Variants in KIF7 observed in about 807,000 individuals in gnomAD.
KIF7 encodes kinesin-like protein KIF7.
In KIF7, 104 loss-of-function variants were observed where a neutral mutation model predicts 135.7. The ratio of observed to expected loss-of-function variants is 0.77; its 90% CI spans 0.65 to 0.90. KIF7 has a LOEUF of 0.90. Among genes scored for constraint, KIF7 ranks in the 40% least tolerant of loss-of-function variants. The pLI, the probability that KIF7 is intolerant of heterozygous loss-of-function variation, is 0.00. For synonymous variants in KIF7, 883 were observed against 809.4 expected (o/e 1.09, Z -1.54); for missense variants, 2,005 against 1,839.1 (o/e 1.09, Z -1.65).
At chr15:89,662,921 T>TA in the KIF7 span, among the ~76,000 whole-genome samples, 1 of 152,348 alleles carries the variant, frequency 6.6e-6, no homozygotes, top group East Asian at 1.9e-4. Flanking sequence ...ACTTATAACT[T>TA]ACACTGTTTG....
downstream of KIF7, chr15:89,627,018 A>C (rs769642321): frequency 6.2e-7 from 1 of 1,613,988 alleles, no homozygotes; most frequent in Non-Finnish European, 8.5e-7. Context: ...CGCTTTCTCC[A>C]GGAGGCGCCC....
At position 89,633,731 on chromosome 15, in the gene KIF7, C is replaced by T; in HGVS notation, c.2547G>A (p.Lys849=). The stretch of plus-strand genomic sequence containing the variant: ...TGCTCATTTCTGCCTCCAGGCGCCG[C>T]TTCTGCTCCGTCTCCTCGCGAAGCC... ...QRRLREETEQ[K]RRLEAEMSKR... The change falls in exon 12 of 19, where the codon AAG becomes AAA. Residue 849 remains lysine (K), a synonymous_variant. Coordinates refer to ENST00000394412, the MANE Select transcript of KIF7 (RefSeq NM_198525.3). The T allele has an allele frequency of 6.2e-6, 10 of 1,609,096 alleles. No homozygotes were observed. The highest frequency in any genetic ancestry group is 8.5e-6 in the Non-Finnish European group (10 of 1,179,902).
chr15:89,661,986 G>A, the KIF7 span, among the ~76,000 whole-genome samples: 226 of 152,214 alleles, frequency 1.5e-3, 2 homozygotes, highest in African/African-American at 5.3e-3. Flanking sequence ...GCCAGCCTTG[G>A]CCTCCCAAAG....
intron 15 of KIF7, among the ~76,000 whole-genome samples, 198 bp downstream of exon 15, chr15:89,631,297 T>C (rs768078651): frequency 2.0e-5 from 3 of 152,174 alleles, no homozygotes; most frequent in African/African-American, 4.8e-5. Flanking sequence ...GGCCCCTGTG[T>C]CCCAGCCAAT....
At chr15:89,651,126 A>G (rs1043922169) in intron 2 of KIF7, among the ~76,000 whole-genome samples, 1 of 151,678 alleles carries the variant, frequency 6.6e-6, no homozygotes, top group African/African-American at 2.4e-5. Context: ...TTTGAGACGG[A>G]GTCTTGCTCT....
intron 16 of KIF7, chr15:89,629,967 CTG>C (rs1596065316): frequency 5.8e-6 from 3 of 520,330 alleles, no homozygotes; most frequent in Non-Finnish European, 1.0e-5. Flanking sequence ...ACCCCCACCA[CTG>C]TGACAACCAA....
chr15:89,619,221 C>CTTTTTTTTTTTTTT (rs386383750), intron 1 of KIF7, among the ~76,000 whole-genome samples: 1 of 112,006 alleles, frequency 8.9e-6, no homozygotes, highest in Non-Finnish European at 1.7e-5. Context: ...CACCATTCTT[C>CTTTTTTTTTTTTTT]TTTTTTTTTT....
chr15:89,643,773 T>C (rs1177099455), intron 10 of KIF7, among the ~76,000 whole-genome samples: 2 of 151,602 alleles, frequency 1.3e-5, no homozygotes, highest in African/African-American at 4.9e-5. Context: ...TAGTCCCAGC[T>C]ACTCGAGAGG....
chr15:89,642,507 G>A, intron 10 of KIF7, 102 bp from the exon 11 acceptor site: 1 of 930,392 alleles, frequency 1.1e-6, no homozygotes, highest in East Asian at 2.7e-5. Context: ...CACCTGTGTG[G>A]GTTTCACCAA....
At chr15:89,625,303 G>T (rs1359781577), downstream of KIF7, 7 of 1,614,080 alleles carry the variant, frequency 4.3e-6, no homozygotes, top group East Asian at 1.1e-4. Context: ...AACAGATGGG[G>T]TTCCTTGGAC....
intron 2 of KIF7, among the ~76,000 whole-genome samples, chr15:89,617,447 T>C (rs1027437924): frequency 6.6e-6 from 1 of 152,212 alleles, no homozygotes; most frequent in Non-Finnish European, 1.5e-5. Context: ...TTTTTTAATA[T>C]ATTAATGGGG....
chr15:89,619,846 A>T, intron 1 of KIF7: 2 of 1,606,800 alleles, frequency 1.2e-6, no homozygotes, highest in Non-Finnish European at 1.7e-6. Flanking sequence ...AAGTCAGGTA[A>T]CATACGGGCC....
In KIF7 at chr15:89,629,016, T is replaced by C. The variant is rs1172996975; in HGVS notation, c.3624A>G (p.Lys1208=). The C allele has an allele frequency of 6.2e-7, 1 of 1,613,584 alleles. No homozygotes were observed. The change falls in exon 18 of 19, where the codon AAA becomes AAG. Residue 1208 remains lysine, a synonymous_variant. Coordinates refer to ENST00000394412, the MANE Select transcript of KIF7 (RefSeq NM_198525.3). ...CAGCGTTCACACCGCCGAGCTTCTG[T>C]TTCAGTTCCTGGTTTATCCACATGT... ...GRYMWINQEL[K]QKLGGVNAVG...
Position 89,646,856 on chromosome 15 carries a change from C to T in KIF7, c.1762G>A (p.Glu588Lys), listed in dbSNP as rs746549341. ...MVPPACLPGD[E>K]VGSEQRGEQV... is the part of the protein sequence containing the mutation. ...TCTCCCCTCTGCTCAGAGCCAACTT[C>T]ATCTCCAGGGAGGCAGGCAGGCGGC... The change falls in exon 7 of 19, where the codon GAA (glutamate) becomes AAA (lysine). Residue 588 changes from glutamate (E) to lysine (K), a missense_variant. Glu to Lys is a moderately conservative substitution (Grantham distance 56). Coordinates refer to ENST00000394412, the MANE Select transcript of KIF7 (RefSeq NM_198525.3). 4 of 1,614,134 alleles carry T rather than the reference C, an allele frequency of 2.5e-6. No homozygotes were observed. In the Admixed American group the frequency reaches 6.7e-5, roughly 27 times the overall value.
downstream of KIF7, chr15:89,626,100 A>G (rs55653159): frequency 0.32 from 504,876 of 1,601,396 alleles, 82,490 homozygotes; most frequent in Middle Eastern, 0.37. Context: ...TTCCTGTGAC[A>G]GACTGTCTGA....
chr15:89,653,405 C>T (rs1344266887), intron 1 of KIF7, among the ~76,000 whole-genome samples: 2 of 152,234 alleles, frequency 1.3e-5, no homozygotes, highest in Admixed American at 6.5e-5. Flanking sequence ...ACCAAGCTCT[C>T]ACCACCAAAT....
In KIF7 at chr15:89,648,467, G is replaced by A; in HGVS notation, c.1231C>T (p.Arg411Cys). 1.9e-6 allele frequency: 2 copies of A among 1,056,774 alleles called. No homozygotes were observed. The highest frequency in any genetic ancestry group is 6.7e-5 in the East Asian group (1 of 14,988). 65.5% of individuals were successfully genotyped at this position (1,056,774 alleles called of 1,614,324 possible). A position where few individuals can be genotyped will look rare whatever the true frequency, so the allele number is the denominator to read the frequency against. ...GCGGCGTCGGTGCAGGCCCGGTAGC[G>A]CGCGCACTCGGCGCCCAGGCGCATG... ...AAMRLGAECA[R>C]YRACTDAAYS... is the part of the protein sequence containing the mutation. The change falls in exon 5 of 19, where the codon CGC becomes TGC. Residue 411 changes from arginine (R) to cysteine (C), a missense_variant. Arg to Cys is a radical substitution (Grantham distance 180, BLOSUM62 -3). Coordinates refer to ENST00000394412, the MANE Select transcript of KIF7 (RefSeq NM_198525.3).
In KIF7 at chr15:89,648,712, G is replaced by A; in HGVS notation, c.986C>T (p.Ser329Phe). 1.3e-6 allele frequency: 2 copies of A among 1,536,340 alleles called. No individual in the cohort carries two copies. The highest frequency in any genetic ancestry group is 1.7e-6 in the Non-Finnish European group (2 of 1,146,538). ...KTVMIACVSP[S>F]SSDFDETLNT... ...GAGGGTCTCGTCGAAGTCGGAGGAG[G>A]AAGGGCTGACGCAGGCGATCATCAC... Residue 329 changes from serine to phenylalanine, a missense_variant, in exon 5 of 19, where the codon TCC becomes TTC. Ser to Phe is a radical substitution (Grantham distance 155). Coordinates refer to ENST00000394412, the MANE Select transcript of KIF7 (RefSeq NM_198525.3).
intron 11 of KIF7, among the ~76,000 whole-genome samples, chr15:89,641,291 C>A (rs1963915541): frequency 2.0e-5 from 3 of 152,034 alleles, no homozygotes; most frequent in Non-Finnish European, 2.9e-5. Flanking sequence ...AGAAGTGAGG[C>A]CTCAGGGGAA....
Sources: allele counts gnomAD v4.1 joint callset (sites outside exome capture counted in the v4.1 genomes callset), GRCh38; gene constraint gnomAD v4.1.1; transcripts MANE v1.5; gene names NCBI Gene and HGNC (gene_info 2026-07-23, HGNC 2026-07-21).